The following SCAPER variants were observed in gnomAD, a reference collection of about 807,000 sequenced individuals.
SCAPER encodes S-phase cyclin A associated protein in the ER.
Under a neutral mutation model 182.2 loss-of-function variants are expected in SCAPER, and 98 were observed. The observed-to-expected ratio is 0.54, with a 90% confidence interval of 0.46 to 0.64. The LOEUF (loss-of-function observed/expected upper bound fraction) is 0.64. SCAPER is among the 30% of genes least tolerant of loss of function. The pLI, the probability that SCAPER is intolerant of heterozygous loss-of-function variation, is 0.00. For missense variants in SCAPER, 1,432 were observed against 1,690.0 expected (o/e 0.85, Z 2.68); for synonymous variants, 605 against 564.6 (o/e 1.07, Z -1.01).
intron 4 of SCAPER, among the ~76,000 whole-genome samples, chr15:76,844,921 T>C (rs1306848693): frequency 6.6e-6 from 1 of 151,818 alleles, no homozygotes; most frequent in Non-Finnish European, 1.5e-5. Context: ...AAAACAAAAA[T>C]ACAGGCCACT....
At chr15:76,440,950 C>T (rs867303272) in intron 25 of SCAPER, among the ~76,000 whole-genome samples, 2 of 105,638 alleles carry the variant, frequency 1.9e-5, no homozygotes, top group African/African-American at 3.8e-5. Flanking sequence ...GGGACGGAGT[C>T]TGGCTCTGTC....
intron 1 of SCAPER, among the ~76,000 whole-genome samples, chr15:76,902,275 T>C (rs2074830055): frequency 6.6e-6 from 1 of 151,536 alleles, no homozygotes; most frequent in African/African-American, 2.4e-5. Flanking sequence ...TGTTCTCTCT[T>C]ATAAGTGGGA....
chr15:76,811,138 A>AAG (rs1203698438), intron 5 of SCAPER, among the ~76,000 whole-genome samples: 3 of 144,788 alleles, frequency 2.1e-5, no homozygotes, highest in South Asian at 2.2e-4. Context: ...AAAAAAAAAG[A>AAG]CAACGAAACA....
At chr15:76,685,856 G>A (rs923208266) in intron 20 of SCAPER, among the ~76,000 whole-genome samples, 1 of 152,052 alleles carries the variant, frequency 6.6e-6, no homozygotes, top group African/African-American at 2.4e-5. Flanking sequence ...TGCATGAAAT[G>A]TAGCATAAAA....
intron 17 of SCAPER, among the ~76,000 whole-genome samples, chr15:76,718,810 C>T (rs1323130105): frequency 2.0e-5 from 3 of 152,048 alleles, no homozygotes; most frequent in Non-Finnish European, 4.4e-5. Context: ...AGGTGATGTA[C>T]ACCATTAATC....
chr15:76,593,324 G>C (rs1299787412), intron 22 of SCAPER, among the ~76,000 whole-genome samples: 1 of 121,396 alleles, frequency 8.2e-6, no homozygotes, highest in Admixed American at 9.3e-5. Context: ...GCCCCAGTCA[G>C]GGGCTTATAG....
chr15:76,777,144 A>G (rs1470679866), intron 8 of SCAPER, among the ~76,000 whole-genome samples: 1 of 152,174 alleles, frequency 6.6e-6, no homozygotes, highest in Non-Finnish European at 1.5e-5. Flanking sequence ...CATATTACCT[A>G]TAGAGAAACA....
At chr15:76,568,729 A>G (rs1363895355) in intron 23 of SCAPER, among the ~76,000 whole-genome samples, 1 of 152,126 alleles carries the variant, frequency 6.6e-6, no homozygotes, top group African/African-American at 2.4e-5. Context: ...TAGAAATTCT[A>G]AATAGTGTTT....
At chr15:76,655,611 G>T (rs748702058) in intron 21 of SCAPER, among the ~76,000 whole-genome samples, 2 of 152,088 alleles carry the variant, frequency 1.3e-5, no homozygotes, top group Non-Finnish European at 2.9e-5. Context: ...CACAATCAAA[G>T]TGAAAGGAAG....
At chr15:76,763,024 A>AT (rs1342014184) in intron 14 of SCAPER, among the ~76,000 whole-genome samples, 1 of 152,156 alleles carries the variant, frequency 6.6e-6, no homozygotes, top group Admixed American at 6.5e-5. Flanking sequence ...ATGTTATTCT[A>AT]TATTTGACTG....
At chr15:76,579,280 A>AAG in intron 22 of SCAPER, among the ~76,000 whole-genome samples, 1 of 150,536 alleles carries the variant, frequency 6.6e-6, no homozygotes, top group Admixed American at 6.6e-5. Context: ...AAAAAAAAAA[A>AAG]AAAAAAAAAT....
chr15:76,395,007 C>T lies in SCAPER; in HGVS notation c.3467+9517G>A, dbSNP rs1467548376. 3.9e-5 allele frequency among the ~76,000 whole-genome samples: 6 copies of T among 152,166 alleles called. No homozygotes were observed. In the East Asian group the frequency reaches 9.7e-4, roughly 25 times the overall value. ...CAGCTCTCTCCCACCCACCCACTAC[C>T]CTTCCCAGCCTGTGGCACCCATCCT... On this transcript the variant is annotated intron_variant, in intron 27 of 31. Transcript: ENST00000563290.
chr15:76,821,305 T>A (rs1205210213), intron 5 of SCAPER, among the ~76,000 whole-genome samples: 1 of 152,152 alleles, frequency 6.6e-6, no homozygotes, highest in Non-Finnish European at 1.5e-5. Flanking sequence ...CTAAGAAGAA[T>A]GATCTATCAA....
intron 20 of SCAPER, among the ~76,000 whole-genome samples, chr15:76,673,492 A>G (rs965638772): frequency 1.4e-4 from 22 of 152,292 alleles, no homozygotes; most frequent in African/African-American, 5.1e-4. Context: ...TGTGTTGGGC[A>G]GGATAGAGTA....
chr15:76,513,305 T>C (rs1032542606), intron 23 of SCAPER, among the ~76,000 whole-genome samples: 1 of 152,200 alleles, frequency 6.6e-6, no homozygotes, highest in Non-Finnish European at 1.5e-5. Flanking sequence ...AGAGGCATGT[T>C]AAATATAACA....
chr15:76,638,593 T>C (rs186422854), intron 21 of SCAPER, among the ~76,000 whole-genome samples: 1 of 152,318 alleles, frequency 6.6e-6, no homozygotes, highest in East Asian at 1.9e-4. Context: ...TTTCTAAATC[T>C]AATGAGAAAA....
intron 10 of SCAPER, among the ~76,000 whole-genome samples, chr15:76,769,684 T>C (rs2063339181): frequency 6.6e-6 from 1 of 152,054 alleles, no homozygotes; most frequent in Non-Finnish European, 1.5e-5. Flanking sequence ...GGAGAGGATG[T>C]GGAGAAATAG....
At chr15:76,722,768 G>A (rs916184647) in intron 17 of SCAPER, among the ~76,000 whole-genome samples, 46 of 152,210 alleles carry the variant, frequency 3.0e-4, no homozygotes, top group African/African-American at 1.1e-3. Context: ...GGGATCGGTG[G>A]TGATATCTCC....
chr15:76,725,452 T>C (rs1406886827), intron 17 of SCAPER, among the ~76,000 whole-genome samples: 1 of 150,644 alleles, frequency 6.6e-6, no homozygotes, highest in African/African-American at 2.4e-5. Flanking sequence ...AAACAATCTA[T>C]AGATTGAATG....
Sources: allele counts gnomAD v4.1 joint callset (sites outside exome capture counted in the v4.1 genomes callset), GRCh38; gene constraint gnomAD v4.1.1; transcripts MANE v1.5; gene names NCBI Gene and HGNC (gene_info 2026-07-23, HGNC 2026-07-21).